TMCC1: variants seen among roughly 807,000 people sequenced by gnomAD.
TMCC1 encodes the protein transmembrane and coiled-coil domain family 1, also known as transmembrane and coiled-coil domains protein 1.
TMCC1 carries 15 observed loss-of-function variants against 52.4 expected under a neutral mutation model. That is an observed-to-expected ratio of 0.29 (90% CI 0.19 to 0.44). TMCC1 has a LOEUF of 0.44. Ranked by LOEUF, TMCC1 falls within the 20% of genes least tolerant of loss-of-function variation. TMCC1 has a pLI of 1.00. For synonymous variants in TMCC1, 279 were observed against 301.9 expected (o/e 0.92, Z 0.79); for missense variants, 503 against 806.0 (o/e 0.62, Z 4.55).
intron 4 of TMCC1, among the ~76,000 whole-genome samples, chr3:129,813,665 G>A (rs2057947718): frequency 6.6e-6 from 1 of 152,074 alleles, no homozygotes; most frequent in Admixed American, 6.6e-5. Context: ...TGGGAGGAGG[G>A]TGAGGATCGA....
At chr3:129,871,394 G>A (rs1369966676) in intron 2 of TMCC1, among the ~76,000 whole-genome samples, 2 of 150,242 alleles carry the variant, frequency 1.3e-5, no homozygotes, top group African/African-American at 4.9e-5. Context: ...AAAAGAATAG[G>A]ATCTTACATT....
intron 2 of TMCC1, among the ~76,000 whole-genome samples, chr3:129,842,832 A>G (rs1179633897): frequency 1.3e-5 from 2 of 152,218 alleles, no homozygotes; most frequent in African/African-American, 4.8e-5. Flanking sequence ...GAAATTTTAA[A>G]AATATTTGCA....
chr3:129,654,850 C>T, intron 6 of TMCC1, 118 bp downstream of exon 6: 1 of 1,390,658 alleles, frequency 7.2e-7, no homozygotes, highest in Non-Finnish European at 9.8e-7. Context: ...TACTCTTACA[C>T]AGTTGGTATA....
At chr3:129,684,245 T>C (rs2089235748) in intron 4 of TMCC1, among the ~76,000 whole-genome samples, 1 of 152,210 alleles carries the variant, frequency 6.6e-6, no homozygotes. Context: ...TGAGAATCAA[T>C]GCACACCAGT....
chr3:129,714,535 AT>A, intron 4 of TMCC1, among the ~76,000 whole-genome samples: 1 of 152,316 alleles, frequency 6.6e-6, no homozygotes, highest in Admixed American at 6.5e-5. Context: ...AGGTAGGCCC[AT>A]TTGGTATATA....
intron 4 of TMCC1, among the ~76,000 whole-genome samples, chr3:129,700,503 A>C (rs1057221569): frequency 1.3e-5 from 2 of 151,864 alleles, no homozygotes; most frequent in African/African-American, 4.8e-5. Flanking sequence ...TTTGAGACGG[A>C]GTCTCGCTCT....
rs2056140097 is a variant in TMCC1, at chr3:129,787,702, T to G, written c.576+40101A>C. On this transcript the variant is annotated intron_variant, in intron 4 of 6. Transcript: ENST00000393238. ...AAAATATGCTTTCAGAATAGTATGCTTAATTTATCCAAAAAGAGATGCATT... is the reference window on the plus strand; with the variant it reads ...AAAATATGCTTTCAGAATAGTATGCGTAATTTATCCAAAAAGAGATGCATT... Among the ~76,000 whole-genome samples the G allele has an allele frequency of 2.0e-5, 3 of 152,220 alleles. 1 individual carries two copies. The highest frequency in any genetic ancestry group is 2.9e-5 in the Non-Finnish European group (2 of 68,022).
intron 2 of TMCC1, among the ~76,000 whole-genome samples, chr3:129,845,885 G>A (rs2059644684): frequency 6.6e-6 from 1 of 151,954 alleles, no homozygotes; most frequent in African/African-American, 2.4e-5. Context: ...AAATTTTTAA[G>A]TGGCCAGATG....
intron 1 of TMCC1, among the ~76,000 whole-genome samples, chr3:129,888,101 T>G (rs1029078532): frequency 2.6e-5 from 4 of 152,194 alleles, no homozygotes; most frequent in African/African-American, 9.7e-5. Context: ...TTCCCACAGG[T>G]ATACAGATTA....
rs1344387533 is a variant in TMCC1, at chr3:129,670,605, C to T, written c.1236G>A (p.Gln412=). The T allele has an allele frequency of 3.1e-6, 5 of 1,614,102 alleles. No individual in the cohort carries two copies. The highest frequency in any genetic ancestry group is 3.4e-6 in the Non-Finnish European group (4 of 1,180,046). ...GKALGVISNF[Q]SSPKYGSEED... The stretch of plus-strand genomic sequence containing the variant: ...CTTCACTACCATATTTTGGGCTAGA[C>T]TGAAAGTTTGAAATCACTCCCAAAG... Residue 412 remains glutamine, a synonymous_variant, in exon 5 of 7, where the codon CAG becomes CAA. Transcript: ENST00000393238.
intron 4 of TMCC1, among the ~76,000 whole-genome samples, chr3:129,791,389 G>A (rs1576860822): frequency 1.3e-5 from 2 of 151,994 alleles, no homozygotes; most frequent in Non-Finnish European, 2.9e-5. Flanking sequence ...CACCGCACCC[G>A]GCCAGACACA....
intron 4 of TMCC1, among the ~76,000 whole-genome samples, chr3:129,736,375 C>A (rs1046489839): frequency 6.6e-6 from 1 of 152,132 alleles, no homozygotes; most frequent in Non-Finnish European, 1.5e-5. Context: ...TTTTATCACA[C>A]AATTGTTTAA....
chr3:129,695,250 G>A (rs1308153330), intron 4 of TMCC1, among the ~76,000 whole-genome samples: 1 of 152,044 alleles, frequency 6.6e-6, no homozygotes, highest in African/African-American at 2.4e-5. Flanking sequence ...GGAATGCTGG[G>A]TGTTGTCTAT....
Position 129,818,321 on chromosome 3 carries a change from G to T in TMCC1, c.576+9482C>A, listed in dbSNP as rs573677135. On this transcript the variant is annotated intron_variant, in intron 4 of 6. Transcript: ENST00000393238. ...GTGATCAGCAGACATCAGTTTTAAA[G>T]AAATTTTTAAAGAAAAGTTTTAAAG... Among the ~76,000 whole-genome samples, 10 of 151,980 alleles carry T rather than the reference G, an allele frequency of 6.6e-5. No individual in the cohort carries two copies. The South Asian group carries it at 1.9e-3, about 28-fold the overall frequency.
chr3:129,837,618 A>G (rs2059222838), intron 2 of TMCC1, among the ~76,000 whole-genome samples: 2 of 152,218 alleles, frequency 1.3e-5, no homozygotes, highest in Admixed American at 1.3e-4. Flanking sequence ...AGCTTTAAAC[A>G]AAAATTATGA....
At position 129,828,540 on chromosome 3, in the gene TMCC1, A is replaced by G; in HGVS notation, c.-130-32T>C. On this transcript the variant is annotated intron_variant, in intron 3 of 6. Coordinates refer to ENST00000393238, the MANE Select transcript of TMCC1 (RefSeq NM_001017395.5). This position sits in a 1 kb window ranked among gnomAD's most constrained non-coding sequence, Gnocchi z 4.1. ...TTAAAAACAAAAAAACAAAAAAACA[A>G]AAAAAAAACCTTATATTATAAATCC... 1.6e-6 allele frequency: 1 copy of G among 630,298 alleles called. No individual in the cohort carries two copies. Among genetic ancestry groups the G allele is most frequent in the South Asian group, 2.5e-5 (1 of 40,420 alleles). The allele number at this position is 630,298 out of a possible 1,614,324, so 39.0% of individuals were successfully genotyped here.
chr3:129,774,149 G>A (rs1332905030), intron 4 of TMCC1, among the ~76,000 whole-genome samples: 2 of 152,124 alleles, frequency 1.3e-5, no homozygotes, highest in African/African-American at 4.8e-5. Context: ...GTCTGGAGGA[G>A]GAAAGATATC....
intron 4 of TMCC1, chr3:129,688,755 G>A: frequency 1.0e-6 from 1 of 985,200 alleles, no homozygotes; most frequent in Non-Finnish European, 1.2e-6. Flanking sequence ...CTCTGAGAAT[G>A]GAGATCACAG....
chr3:129,823,714 C>A (rs1373834345), intron 4 of TMCC1, among the ~76,000 whole-genome samples: 1 of 152,192 alleles, frequency 6.6e-6, no homozygotes, highest in East Asian at 1.9e-4. Context: ...CTCCGTCTAT[C>A]TATCTATGAC....
Sources: gnomAD v4.1 joint callset for allele counts (sites outside exome capture counted in the v4.1 genomes callset) on GRCh38, gnomAD v4.1.1 for gene constraint, Gnocchi (gnomAD v3.1) non-coding constraint, MANE v1.5 for transcripts, NCBI Gene and HGNC (gene_info 2026-07-23, HGNC 2026-07-21) for gene names.